KIFAP3: variants seen among roughly 807,000 people sequenced by gnomAD.
KIFAP3 encodes the protein kinesin-associated protein 3.
KIFAP3 carries 68 observed loss-of-function variants against 106.5 expected under a neutral mutation model. The observed-to-expected ratio is 0.64, with a 90% CI of 0.53 to 0.78. The LOEUF is 0.78. Ranked by LOEUF, KIFAP3 falls within the 30% of genes least tolerant of loss-of-function variation. The pLI is 0.00. For synonymous variants in KIFAP3, 320 were observed against 311.5 expected (o/e 1.03, Z -0.29); for missense variants, 780 against 941.8 (o/e 0.83, Z 2.25).
At chr1:169,938,968 A>C (rs1442282223) in intron 19 of KIFAP3, among the ~76,000 whole-genome samples, 4 of 152,192 alleles carry the variant, frequency 2.6e-5, no homozygotes. Flanking sequence ...ATATTTGATG[A>C]GGCTGGAGAT....
chr1:170,013,478 C>CATAT lies in KIFAP3; in HGVS notation c.1183+2980_1183+2983dup, dbSNP rs60542659. ...TACTGAAGATGAGAAAACTGACATACATATATATATATATATATAAAATAC... is the reference window on the plus strand; with the variant it reads ...TACTGAAGATGAGAAAACTGACATACATATATATATATATATATATATAAAATAC... On this transcript the variant is annotated intron_variant, in intron 10 of 19. Transcript: ENST00000361580. Among the ~76,000 whole-genome samples the CATAT allele has an allele frequency of 1.7e-3, 237 of 140,540 alleles. 1 individual carries two copies. Among genetic ancestry groups the CATAT allele is most frequent in the African/African-American group, 4.6e-3 (181 of 39,164 alleles). The allele number at this position is 140,540 out of a possible 152,430, so 92.2% of individuals were successfully genotyped here. A position where few individuals can be genotyped will look rare whatever the true frequency, so the allele number is the denominator to read the frequency against.
At chr1:170,071,617 C>T (rs185690541) in intron 1 of KIFAP3, among the ~76,000 whole-genome samples, 187 of 152,204 alleles carry the variant, frequency 1.2e-3, no homozygotes, top group Non-Finnish European at 1.9e-3. Flanking sequence ...TTATAACAAC[C>T]AACTCTAGAG....
intron 10 of KIFAP3, among the ~76,000 whole-genome samples, chr1:169,992,615 T>G (rs1451774995): frequency 6.6e-6 from 1 of 152,182 alleles, no homozygotes; most frequent in Non-Finnish European, 1.5e-5. Flanking sequence ...TTGACAGTGG[T>G]GATGTTTAGA....
intron 17 of KIFAP3, among the ~76,000 whole-genome samples, chr1:169,966,464 CAA>C (rs58208596): frequency 0.076 from 9,886 of 129,786 alleles, 722 homozygotes; most frequent in East Asian, 0.22. Context: ...CGGAAAATGG[CAA>C]AAAAAAAAAA....
At chr1:170,060,089 C>G (rs746415884) in intron 1 of KIFAP3, among the ~76,000 whole-genome samples, 52 of 152,112 alleles carry the variant, frequency 3.4e-4, no homozygotes, top group Non-Finnish European at 6.2e-4. Flanking sequence ...TGGAAGCATT[C>G]CCTTTGAAAA....
chr1:170,052,535 C>CA (rs532684156), intron 2 of KIFAP3, among the ~76,000 whole-genome samples: 157 of 151,678 alleles, frequency 1.0e-3, no homozygotes, highest in Admixed American at 2.7e-3. Flanking sequence ...AGAGACACAA[C>CA]AAAAAAAAGA....
At chr1:169,923,551 C>G (rs1430880671) in intron 19 of KIFAP3, among the ~76,000 whole-genome samples, 2 of 152,142 alleles carry the variant, frequency 1.3e-5, no homozygotes, top group African/African-American at 4.8e-5. Context: ...CAGTCCTTAT[C>G]TTTTTTAGCA....
At position 169,964,575 on chromosome 1, in the gene KIFAP3, T is replaced by A. The variant is rs564527399; in HGVS notation, c.1984-3340A>T. 2.0e-5 allele frequency among the ~76,000 whole-genome samples: 3 copies of A among 152,272 alleles called. No homozygotes were observed. In the South Asian group the frequency reaches 6.2e-4, roughly 32 times the overall value. ...TGATATTGGAAGAAGTAGCTTCTGG[T>A]CTGGTAAGTATATTAATATTATCCT... On this transcript the variant is annotated intron_variant, in intron 17 of 19. Transcript: ENST00000361580.
chr1:170,048,700 G>C (rs1361005420), intron 2 of KIFAP3, among the ~76,000 whole-genome samples: 1 of 151,652 alleles, frequency 6.6e-6, no homozygotes, highest in Non-Finnish European at 1.5e-5. Flanking sequence ...AGCAGAAGCG[G>C]GGTGGCGGGG....
chr1:170,076,928 T>C (rs1270951685), upstream of KIFAP3, among the ~76,000 whole-genome samples: 2 of 152,200 alleles, frequency 1.3e-5, no homozygotes, highest in Non-Finnish European at 1.5e-5. Context: ...GCATCATTAG[T>C]GAGAGGTGAA....
intron 16 of KIFAP3, among the ~76,000 whole-genome samples, chr1:169,976,519 T>C (rs1666227170): frequency 6.6e-6 from 1 of 152,192 alleles, no homozygotes; most frequent in Non-Finnish European, 1.5e-5. Context: ...TTTAACACTG[T>C]TCAAAAGCAT....
chr1:170,014,498 T>G (rs1339678151), intron 10 of KIFAP3, among the ~76,000 whole-genome samples: 1 of 152,198 alleles, frequency 6.6e-6, no homozygotes, highest in Admixed American at 6.5e-5. Flanking sequence ...CCTATGAAAA[T>G]GACAACTTTT....
At chr1:170,083,963 C>G (rs974685106) in intron 1 of KIFAP3, among the ~76,000 whole-genome samples, 2 of 152,168 alleles carry the variant, frequency 1.3e-5, no homozygotes, top group African/African-American at 4.8e-5. Context: ...ATTTTGAATA[C>G]TAGCCACAGC....
upstream of KIFAP3, among the ~76,000 whole-genome samples, chr1:170,076,724 A>C (rs113998614): frequency 5.9e-5 from 9 of 152,368 alleles, no homozygotes; most frequent in African/African-American, 1.2e-4. Context: ...GGAATGGAGA[A>C]AAATAATGAT....
rs1005116345 is a variant in KIFAP3 at position 170,064,207 on chromosome 1, T to C, written c.33-8771A>G. ...TAATTTGTGAATAATATCAGTTTCATTTCTTCTCTTCCTATCTTTATACCT... is the reference window on the plus strand; with the variant it reads ...TAATTTGTGAATAATATCAGTTTCACTTCTTCTCTTCCTATCTTTATACCT... On this transcript the variant is annotated intron_variant, in intron 1 of 19. Coordinates refer to ENST00000361580, the MANE Select transcript of KIFAP3 (RefSeq NM_014970.4). 2.0e-5 allele frequency among the ~76,000 whole-genome samples: 3 copies of C among 152,220 alleles called. No individual in the cohort carries two copies. In the South Asian group the frequency reaches 6.2e-4, roughly 32 times the overall value.
intron 1 of KIFAP3, among the ~76,000 whole-genome samples, chr1:170,059,444 C>T (rs1571750501): frequency 6.6e-6 from 1 of 152,110 alleles, no homozygotes; most frequent in African/African-American, 2.4e-5. Context: ...CACATACACC[C>T]TCCCAAGACT....
chr1:170,076,102 A>G (rs966962292), upstream of KIFAP3, among the ~76,000 whole-genome samples: 1 of 152,214 alleles, frequency 6.6e-6, no homozygotes, highest in African/African-American at 2.4e-5. Context: ...AATGTAAGTT[A>G]GCTCCTTGAG....
At chr1:170,058,514 T>C (rs989535031) in intron 1 of KIFAP3, among the ~76,000 whole-genome samples, 2 of 152,158 alleles carry the variant, frequency 1.3e-5, no homozygotes, top group Non-Finnish European at 2.9e-5. Context: ...TTCCACAGTT[T>C]ACAGCATGGG....
upstream of KIFAP3, among the ~76,000 whole-genome samples, chr1:170,079,008 A>G (rs1557885676): frequency 2.6e-5 from 4 of 152,176 alleles, no homozygotes; most frequent in Admixed American, 6.5e-5. Context: ...CCAATAATTA[A>G]TTTGCCATAT....
Sources: allele counts gnomAD v4.1 joint callset (sites outside exome capture counted in the v4.1 genomes callset), GRCh38; gene constraint gnomAD v4.1.1; transcripts MANE v1.5; gene names NCBI Gene and HGNC (gene_info 2026-07-23, HGNC 2026-07-21).